Variants in COL6A3 observed in about 807,000 individuals in gnomAD.
The protein encoded by COL6A3 is collagen type VI alpha 3 chain.
A neutral mutation model predicts 274.1 loss-of-function variants in COL6A3; 137 were observed. The observed-to-expected ratio is 0.50, with a 90% confidence interval of 0.44 to 0.58. The LOEUF (loss-of-function observed/expected upper bound fraction) is 0.58. COL6A3 is among the 20% of genes least tolerant of loss of function. COL6A3 has a pLI of 0.00. For synonymous variants in COL6A3, 1,650 were observed against 1,650.6 expected, an observed-to-expected ratio of 1.00 and a Z score of 0.01; for missense variants, 3,950 against 4,124.9, an observed-to-expected ratio of 0.96 and a Z score of 1.16.
At chr2:237,354,315 C>A (rs573043685) in intron 24 of COL6A3, among the ~76,000 whole-genome samples, 58 of 131,492 alleles carry the variant, frequency 4.4e-4, no homozygotes, top group Non-Finnish European at 6.7e-4. Context: ...ACCGTCCTGG[C>A]CAGATTTTTT....
At position 237,378,705 on chromosome 2, in the gene COL6A3, G is replaced by A; in HGVS notation, c.2428C>T (p.Gln810Ter). 1 of 1,613,934 alleles carries A rather than the reference G, an allele frequency of 6.2e-7. No individual in the cohort carries two copies. Among genetic ancestry groups the A allele is most frequent in the Non-Finnish European group, 8.5e-7 (1 of 1,180,050 alleles). ...DDFSSLPALP[Q>*]QLIQPLTTYV... ...GTGGTTAGGGGCTGAATCAGCTGCT[G>A]AGGCAAAGCTGGCAGGGAGCTGAAA... is the stretch of plus-strand genomic sequence containing the variant. The change falls in exon 6 of 44, where the codon CAG becomes TAG. Residue 810 changes from glutamine to a stop codon, truncating the protein, a stop_gained. Transcript: ENST00000295550. LOFTEE classifies it high-confidence loss of function.
In COL6A3 at chr2:237,367,102, G is replaced by A; in HGVS notation, c.5085C>T (p.Asp1695=). 6.2e-7 allele frequency: 1 copy of A among 1,614,232 alleles called. No individual in the cohort carries two copies. The highest frequency in any genetic ancestry group is 8.5e-7 in the Non-Finnish European group (1 of 1,180,034). The part of the protein sequence containing the change: ...SDPTDEFFLK[D]FSTKRQIIDA... The stretch of plus-strand genomic sequence containing the variant: ...CAATAATCTGCCTCTTGGTAGAGAA[G>A]TCCTTCAGGAAGAATTCGTCAGTGG... The change falls in exon 11 of 44, where the codon GAC becomes GAT. Residue 1695 remains aspartate, a synonymous_variant. Coordinates refer to ENST00000295550, the MANE Select transcript of COL6A3 (RefSeq NM_004369.4).
intron 28 of COL6A3, 115 bp from the exon 29 acceptor site, chr2:237,348,778 C>A: frequency 1.1e-6 from 1 of 882,182 alleles, no homozygotes; most frequent in Middle Eastern, 2.5e-4. Context: ...GAAATGTTTG[C>A]AGACTAAGGT....
intron 42 of COL6A3, chr2:237,327,722 GTTC>G (rs2106301950): frequency 6.6e-6 from 1 of 152,108 alleles, no homozygotes; most frequent in East Asian, 1.9e-4. Flanking sequence ...AGGATTTTAT[GTTC>G]TTAAGAAGGC....
At chr2:237,352,243 C>T (rs1290545566) in intron 26 of COL6A3, among the ~76,000 whole-genome samples, 1 of 152,178 alleles carries the variant, frequency 6.6e-6, no homozygotes, top group African/African-American at 2.4e-5. Context: ...AGGATTCCAT[C>T]CTGAGGCATA....
intron 17 of COL6A3, 95 bp downstream of exon 17, chr2:237,359,993 G>A: frequency 7.7e-7 from 1 of 1,298,362 alleles, no homozygotes; most frequent in Admixed American, 1.8e-5. Context: ...AGGTCAAGAA[G>A]CCTGGACCAG....
At chr2:237,348,755 T>A in intron 28 of COL6A3, 92 bp from the exon 29 acceptor site, 1 of 1,068,720 alleles carries the variant, frequency 9.4e-7, no homozygotes, top group Non-Finnish European at 1.4e-6. Context: ...GAGAAGTGGA[T>A]CCTTGAGCTC....
At chr2:237,349,893 C>T (rs1423732425) in intron 28 of COL6A3, among the ~76,000 whole-genome samples, 3 of 152,228 alleles carry the variant, frequency 2.0e-5, no homozygotes, top group Non-Finnish European at 2.9e-5. Context: ...TTAGCCTCTA[C>T]ATTCTCTTGT....
intron 31 of COL6A3, among the ~76,000 whole-genome samples, chr2:237,347,555 G>C (rs565606128): frequency 6.6e-6 from 1 of 152,282 alleles, no homozygotes; most frequent in African/African-American, 2.4e-5. Flanking sequence ...GCTGTGCCTG[G>C]AGTGAGCTGG....
chr2:237,364,515 C>A lies in COL6A3; in HGVS notation c.5839-87G>T. 1 of 1,038,230 alleles carries A rather than the reference C, an allele frequency of 9.6e-7. No individual in the cohort carries two copies. Among genetic ancestry groups the A allele is most frequent in the South Asian group, 1.3e-5 (1 of 78,802 alleles). The allele number at this position is 1,038,230 out of a possible 1,614,324, so 64.3% of individuals were successfully genotyped here. On this transcript the variant is annotated intron_variant, in intron 12 of 43. Coordinates refer to ENST00000295550, the MANE Select transcript of COL6A3 (RefSeq NM_004369.4). This position sits in a 1 kb window ranked among gnomAD's most constrained non-coding sequence, Gnocchi z 4.6. Reference sequence around the variant, plus strand: ...TAGAAAACTGAGAGACTCGCTGTCTCAAGCCCTTCATTTTACACTTAAGGA... The same window carrying A: ...TAGAAAACTGAGAGACTCGCTGTCTAAAGCCCTTCATTTTACACTTAAGGA...
At chr2:237,353,230 G>A (rs1414507814) in intron 25 of COL6A3, 111 bp downstream of exon 25, 3 of 1,030,700 alleles carry the variant, frequency 2.9e-6, no homozygotes, top group East Asian at 2.6e-5. Flanking sequence ...AAATGCCACT[G>A]GATTGTTCAC....
rs60843699 is a variant in COL6A3 at position 237,401,690 on chromosome 2, ATT to A, written c.-30-4845_-30-4844del. 2.0e-4 allele frequency among the ~76,000 whole-genome samples: 30 copies of A among 148,342 alleles called. No individual in the cohort carries two copies. The East Asian group carries it at 4.9e-3, about 24-fold the overall frequency. ...CTGTTATTACACCACTTATACTGTA[ATT>A]TTTTTTTTTTGAGACAGGGTCTCCC... On this transcript the variant is annotated intron_variant, in intron 1 of 43. Transcript: ENST00000295550.
intron 20 of COL6A3, 70 bp downstream of exon 20, chr2:237,358,965 A>T (rs2077376388): frequency 6.4e-7 from 1 of 1,569,438 alleles, no homozygotes; most frequent in Non-Finnish European, 8.8e-7. Context: ...ATGAGGAAAG[A>T]AAATAACTAT....
Position 237,348,872 on chromosome 2 carries a change from T to C in COL6A3, c.6880-209A>G, listed in dbSNP as rs372617933. ...TCTGTAGGCGGTGGGCTCAAAGGAC[T>C]CCCGTAGCAAAATGGCACTGGCGGA... On this transcript the variant is annotated intron_variant, in intron 28 of 43. Transcript: ENST00000295550. Among the ~76,000 whole-genome samples the C allele has an allele frequency of 4.6e-5, 7 of 152,282 alleles. No individual in the cohort carries two copies. In the East Asian group the frequency reaches 1.3e-3, roughly 29 times the overall value.
chr2:237,392,441 G>A (rs969027570), intron 3 of COL6A3, among the ~76,000 whole-genome samples: 3 of 152,156 alleles, frequency 2.0e-5, no homozygotes, highest in African/African-American at 4.8e-5. Flanking sequence ...AGTGATGTGT[G>A]CCTCCAAGCC....
chr2:237,366,217 G>A (rs980729866), intron 11 of COL6A3, among the ~76,000 whole-genome samples, 182 bp from the exon 12 acceptor site: 3 of 152,194 alleles, frequency 2.0e-5, no homozygotes, highest in Admixed American at 2.0e-4. Flanking sequence ...AGAGAGAAAT[G>A]AGGGTAGCTG....
At chr2:237,377,447 A>C in intron 6 of COL6A3, 103 bp from the exon 7 acceptor site, 9 of 1,091,434 alleles carry the variant, frequency 8.2e-6, no homozygotes, top group East Asian at 2.4e-5. Context: ...GGTGAAACTC[A>C]TCTGATGACC....
At position 237,351,186 on chromosome 2, in the gene COL6A3, C is replaced by T. The variant is rs139768780; in HGVS notation, c.6760G>A (p.Gly2254Arg). ...TCTCCAGGAGCACCAGCGGCACCTC[C>T]GCTTCCCTGGAGCAGGAGGGGAGGA... is the stretch of plus-strand genomic sequence containing the variant. ...EQGISGPRGS[G>R]GAAGAPGERG... Residue 2254 changes from glycine to arginine, a missense_variant, in exon 27 of 44, where the codon GGA becomes AGA. Physicochemically the swap from Gly to Arg is moderately radical, Grantham distance 125 (BLOSUM62 -2). Coordinates refer to ENST00000295550, the MANE Select transcript of COL6A3 (RefSeq NM_004369.4). 4.3e-6 allele frequency: 7 copies of T among 1,614,188 alleles called. No individual in the cohort carries two copies. Among genetic ancestry groups the T allele is most frequent in the Admixed American group, 1.7e-5 (1 of 60,028 alleles).
intron 1 of COL6A3, among the ~76,000 whole-genome samples, chr2:237,398,498 G>A (rs2078508653): frequency 6.6e-6 from 1 of 152,168 alleles, no homozygotes; most frequent in South Asian, 2.1e-4. Flanking sequence ...CCTCCAGAGA[G>A]CTAGGGTCTT....
Sources: gnomAD v4.1 joint callset for allele counts (sites outside exome capture counted in the v4.1 genomes callset) on GRCh38, gnomAD v4.1.1 for gene constraint, Gnocchi (gnomAD v3.1) non-coding constraint, MANE v1.5 for transcripts, NCBI Gene and HGNC (gene_info 2026-07-23, HGNC 2026-07-21) for gene names.